Variants in ACTR3C observed in about 807,000 individuals in gnomAD.
ACTR3C encodes actin-related protein 3C.
A neutral mutation model predicts 26.3 loss-of-function variants in ACTR3C; 18 were observed. The observed-to-expected ratio is 0.68, with a 90% CI of 0.47 to 1.01. The LOEUF (loss-of-function observed/expected upper bound fraction) is 1.01. Among genes scored for constraint, ACTR3C ranks in the 50% least tolerant of loss-of-function variants. The pLI is 0.00. For synonymous variants in ACTR3C, 55 were observed against 94.5 expected (o/e 0.58, Z 2.42); for missense variants, 184 against 250.7 (o/e 0.73, Z 1.80).
the ACTR3C span, among the ~76,000 whole-genome samples, chr7:150,153,408 C>A: frequency 7.2e-6 from 1 of 138,144 alleles, no homozygotes; most frequent in South Asian, 2.6e-4. Context: ...AAAAAGTGGG[C>A]GAAGGACAGG....
At chr7:150,273,445 T>G (rs3757427) in intron 6 of ACTR3C, among the ~76,000 whole-genome samples, 33,511 of 151,042 alleles carry the variant, frequency 0.22, 6,014 homozygotes, top group African/African-American at 0.49. Context: ...AGCTGGCTAA[T>G]TTTTTTGGTA....
chr7:149,955,633 T>C, the ACTR3C span, among the ~76,000 whole-genome samples: 5,462 of 152,120 alleles, frequency 0.036, 335 homozygotes, highest in African/African-American at 0.13. Context: ...GAAATTTTAA[T>C]TTGCCAGAAG....
chr7:150,110,449 G>A, the ACTR3C span, among the ~76,000 whole-genome samples: 3 of 137,382 alleles, frequency 2.2e-5, no homozygotes, highest in Admixed American at 7.2e-5. Context: ...CTGCCTGAGG[G>A]TGGGGCTGGA....
chr7:150,019,367 G>A, the ACTR3C span, among the ~76,000 whole-genome samples: 1 of 149,866 alleles, frequency 6.7e-6, no homozygotes, highest in Non-Finnish European at 1.5e-5. Flanking sequence ...GCCAAGGAGG[G>A]CAGATCATGA....
At chr7:149,947,104 A>C in the ACTR3C span, among the ~76,000 whole-genome samples, 13 of 151,592 alleles carry the variant, frequency 8.6e-5, no homozygotes, top group Non-Finnish European at 1.6e-4. Context: ...TGTCCTACAC[A>C]TCACTGAGTC....
chr7:150,195,957 T>G, the ACTR3C span, among the ~76,000 whole-genome samples: 1 of 152,254 alleles, frequency 6.6e-6, no homozygotes, highest in African/African-American at 2.4e-5. Context: ...CTGCTATAAT[T>G]CTTATCTTTG....
At chr7:150,042,096 C>T in the ACTR3C span, among the ~76,000 whole-genome samples, 26 of 76,800 alleles carry the variant, frequency 3.4e-4, no homozygotes, top group South Asian at 5.9e-4. Context: ...CCCTGCCTCG[C>T]GGGGGGTGCC....
chr7:150,165,299 A>G, the ACTR3C span, among the ~76,000 whole-genome samples: 4 of 152,054 alleles, frequency 2.6e-5, no homozygotes, highest in Admixed American at 6.5e-5. Flanking sequence ...ACTTCCTAGC[A>G]GAATTATTTT....
the ACTR3C span, among the ~76,000 whole-genome samples, chr7:150,019,093 A>G: frequency 6.6e-6 from 1 of 150,474 alleles, no homozygotes; most frequent in Non-Finnish European, 1.5e-5. Flanking sequence ...AACTACTTTC[A>G]GCACACTTAA....
At chr7:150,119,245 C>G in the ACTR3C span, among the ~76,000 whole-genome samples, 1 of 152,112 alleles carries the variant, frequency 6.6e-6, no homozygotes, top group East Asian at 1.9e-4. Flanking sequence ...CAGTATTAAC[C>G]TTAAATGTAA....
the ACTR3C span, among the ~76,000 whole-genome samples, chr7:149,967,028 A>ATCTTTTTTTT: frequency 1.5e-5 from 1 of 64,704 alleles, no homozygotes; most frequent in Non-Finnish European, 2.9e-5. Context: ...TGCACAGCTA[A>ATCTTTTTTTT]TTTTTTTTTT....
intron 6 of ACTR3C, among the ~76,000 whole-genome samples, chr7:150,254,036 G>T (rs115237007): frequency 0.022 from 3,419 of 152,100 alleles, 149 homozygotes; most frequent in African/African-American, 0.078. Flanking sequence ...ATTCCCTAAT[G>T]TTCTCCACTT....
the ACTR3C span, among the ~76,000 whole-genome samples, chr7:149,953,102 C>A: frequency 6.7e-6 from 1 of 148,254 alleles, no homozygotes; most frequent in African/African-American, 2.6e-5. Flanking sequence ...GAAATGAATG[C>A]CAAGCAGCCA....
the ACTR3C span, among the ~76,000 whole-genome samples, chr7:149,906,197 A>T: frequency 6.6e-6 from 1 of 152,160 alleles, no homozygotes; most frequent in African/African-American, 2.4e-5. Context: ...AAAACGATGT[A>T]TCTTTGTACA....
the ACTR3C span, among the ~76,000 whole-genome samples, chr7:150,041,721 C>A: frequency 6.8e-6 from 1 of 146,246 alleles, no homozygotes; most frequent in African/African-American, 2.6e-5. Flanking sequence ...GGGGTGCCTC[C>A]CCCTCCTGCG....
At chr7:150,006,749 T>G in the ACTR3C span, among the ~76,000 whole-genome samples, 1 of 152,082 alleles carries the variant, frequency 6.6e-6, no homozygotes, top group African/African-American at 2.4e-5. Context: ...GTGGTGGTGG[T>G]GGCTTTGTAT....
chr7:149,995,102 G>A, the ACTR3C span, among the ~76,000 whole-genome samples: 3 of 152,048 alleles, frequency 2.0e-5, no homozygotes, highest in African/African-American at 4.8e-5. Flanking sequence ...TGATCCGCCC[G>A]CCTCAGCCTC....
intron 6 of ACTR3C, among the ~76,000 whole-genome samples, chr7:150,269,412 A>C (rs1182747123): frequency 1.4e-5 from 2 of 147,592 alleles, no homozygotes; most frequent in Non-Finnish European, 3.0e-5. Context: ...CAAGCAGCAA[A>C]CCCCCCCACC....
the ACTR3C span, among the ~76,000 whole-genome samples, chr7:150,145,334 G>T: frequency 2.0e-5 from 3 of 152,280 alleles, no homozygotes; most frequent in South Asian, 6.2e-4. Flanking sequence ...ATGGAGAAAA[G>T]CCACCAGCAG....
Sources: allele counts gnomAD v4.1 joint callset (sites outside exome capture counted in the v4.1 genomes callset), GRCh38; gene constraint gnomAD v4.1.1; transcripts MANE v1.5; gene names NCBI Gene and HGNC (gene_info 2026-07-23, HGNC 2026-07-21).